TMEM178B: variants seen among roughly 807,000 people sequenced by gnomAD.
TMEM178B encodes the protein transmembrane protein 178B.
Under a neutral mutation model 31.0 loss-of-function variants are expected in TMEM178B, and 5 were observed. The ratio of observed to expected loss-of-function variants is 0.16; its 90% confidence interval spans 0.08 to 0.34. The LOEUF (loss-of-function observed/expected upper bound fraction) is 0.34. Among genes scored for constraint, TMEM178B ranks in the 10% least tolerant of loss-of-function variants. The probability of loss-of-function intolerance (pLI) is 1.00; values close to 1 mark genes in which losing one functional copy is unlikely to be tolerated. For synonymous variants in TMEM178B, 164 were observed against 164.0 expected (o/e 1.00, Z 0.00); for missense variants, 275 against 400.3 (o/e 0.69, Z 2.67).
chr7:141,133,822 GA>G (rs927334009), intron 1 of TMEM178B, among the ~76,000 whole-genome samples: 14 of 152,248 alleles, frequency 9.2e-5, no homozygotes, highest in African/African-American at 2.4e-4. Flanking sequence ...AAAGAATTCT[GA>G]AAAATAACAA....
the TMEM178B span, among the ~76,000 whole-genome samples, chr7:141,499,464 C>CAAAAAAAAAAAAAAAAAAAAAA: frequency 2.0e-5 from 1 of 50,714 alleles, no homozygotes; most frequent in Non-Finnish European, 4.7e-5. Flanking sequence ...CACATCTCTA[C>CAAAAAAAAAAAAAAAAAAAAAA]AAAAAAAAAA....
chr7:141,207,262 G>A (rs929188024), intron 1 of TMEM178B, among the ~76,000 whole-genome samples: 10 of 152,286 alleles, frequency 6.6e-5, no homozygotes, highest in Admixed American at 3.3e-4. Context: ...AATGAACATG[G>A]GAGTGCAGAT....
chr7:141,183,147 C>T (rs954056426), intron 1 of TMEM178B, among the ~76,000 whole-genome samples: 1 of 152,180 alleles, frequency 6.6e-6, no homozygotes, highest in Admixed American at 6.5e-5. Flanking sequence ...TACATCCTAA[C>T]ACCTTGTGAG....
chr7:141,116,591 C>T (rs368161530), intron 1 of TMEM178B, among the ~76,000 whole-genome samples: 7 of 151,900 alleles, frequency 4.6e-5, no homozygotes, highest in African/African-American at 1.7e-4. Context: ...TACATATACA[C>T]GTGCAGTGGC....
At chr7:141,385,481 A>G (rs1392719049) in intron 2 of TMEM178B, among the ~76,000 whole-genome samples, 2 of 152,232 alleles carry the variant, frequency 1.3e-5, no homozygotes, top group Non-Finnish European at 2.9e-5. Context: ...AATTCAGAAA[A>G]CATTACATAT....
rs1563098444 is a variant in TMEM178B at position 141,141,320 on chromosome 7, A to G, written c.382+66628A>G. Among the ~76,000 whole-genome samples, 3 of 152,014 alleles carry G rather than the reference A, an allele frequency of 2.0e-5. No individual in the cohort carries two copies. The South Asian group carries it at 6.2e-4, about 32-fold the overall frequency. On this transcript the variant is annotated intron_variant, in intron 1 of 3. Coordinates refer to ENST00000565468, the MANE Select transcript of TMEM178B (RefSeq NM_001195278.2). Reference sequence around the variant, plus strand: ...CATCTTCTTACTTTCTGGCAGTACAAGATACTCTAGAATCATCTTGTATTT... The same window carrying G: ...CATCTTCTTACTTTCTGGCAGTACAGGATACTCTAGAATCATCTTGTATTT...
chr7:141,371,683 G>A (rs1420639865), intron 2 of TMEM178B, among the ~76,000 whole-genome samples: 1 of 152,136 alleles, frequency 6.6e-6, no homozygotes, highest in South Asian at 2.1e-4. Flanking sequence ...AACACTAAAG[G>A]TCTGAAGGCT....
At chr7:141,458,939 C>A (rs1802013426) in intron 3 of TMEM178B, among the ~76,000 whole-genome samples, 1 of 152,214 alleles carries the variant, frequency 6.6e-6, no homozygotes, top group African/African-American at 2.4e-5. Context: ...AATCACATAA[C>A]AATTTAAGAA....
Position 141,074,128 on chromosome 7 carries a change from C to G in TMEM178B, c.-183C>G. The G allele has an allele frequency of 1.2e-6, 1 of 866,990 alleles. No homozygotes were observed. Among genetic ancestry groups the G allele is most frequent in the Non-Finnish European group, 1.6e-6 (1 of 624,132 alleles). The allele number at this position is 866,990 out of a possible 1,614,324, so 53.7% of individuals were successfully genotyped here. ...TCCGGATCAGAACTTTTTAGGCCGCCCGCCCCCATCCCCGCAGTCCCCGGG... is the reference window on the plus strand; with the variant it reads ...TCCGGATCAGAACTTTTTAGGCCGCGCGCCCCCATCCCCGCAGTCCCCGGG... On this transcript the variant is annotated 5_prime_UTR_variant, in exon 1 of 4. Transcript: ENST00000565468. This position sits in a 1 kb window ranked among gnomAD's most constrained non-coding sequence, Gnocchi z 5.1.
chr7:141,369,072 T>C (rs2116564142), intron 2 of TMEM178B, among the ~76,000 whole-genome samples: 1 of 151,956 alleles, frequency 6.6e-6, no homozygotes, highest in East Asian at 1.9e-4. Context: ...GTAGAAGAGG[T>C]TTGCAAGCCA....
At chr7:141,224,296 T>A (rs1797304533) in intron 2 of TMEM178B, among the ~76,000 whole-genome samples, 1 of 152,222 alleles carries the variant, frequency 6.6e-6, no homozygotes, top group African/African-American at 2.4e-5. Context: ...CCAACTTAAA[T>A]TTGTGTGTGA....
At chr7:141,214,589 T>C (rs1207299371) in intron 2 of TMEM178B, among the ~76,000 whole-genome samples, 2 of 152,248 alleles carry the variant, frequency 1.3e-5, no homozygotes, top group Non-Finnish European at 2.9e-5. Flanking sequence ...GGTAGAACTC[T>C]TTTGACTGCA....
chr7:141,095,275 C>T (rs1294325648), intron 1 of TMEM178B, among the ~76,000 whole-genome samples: 2 of 152,162 alleles, frequency 1.3e-5, no homozygotes, highest in Non-Finnish European at 2.9e-5. Flanking sequence ...TACTCAGAAA[C>T]GGTGGGATAC....
intron 2 of TMEM178B, among the ~76,000 whole-genome samples, chr7:141,220,910 AG>A (rs1282703690): frequency 6.6e-6 from 1 of 152,192 alleles, no homozygotes; most frequent in Non-Finnish European, 1.5e-5. Context: ...GGATATTAAA[AG>A]GTATTCTGCT....
intron 1 of TMEM178B, among the ~76,000 whole-genome samples, chr7:141,170,616 T>C (rs1234569508): frequency 6.6e-6 from 1 of 151,760 alleles, no homozygotes; most frequent in Non-Finnish European, 1.5e-5. Context: ...CCTCTCAAAT[T>C]CCCCCCCATA....
At chr7:141,295,869 AC>A (rs957234070) in intron 2 of TMEM178B, among the ~76,000 whole-genome samples, 61 of 152,226 alleles carry the variant, frequency 4.0e-4, no homozygotes, top group Middle Eastern at 3.4e-3. Context: ...AAATCTGAAG[AC>A]GGCCCAGCCA....
intron 2 of TMEM178B, among the ~76,000 whole-genome samples, chr7:141,283,045 A>G (rs1036187321): frequency 2.6e-5 from 4 of 152,174 alleles, no homozygotes; most frequent in Admixed American, 6.5e-5. Flanking sequence ...GGGAGGGACT[A>G]TTACTATCCC....
intron 2 of TMEM178B, among the ~76,000 whole-genome samples, chr7:141,215,826 CT>C (rs921727110): frequency 1.9e-5 from 1 of 51,740 alleles, no homozygotes; most frequent in African/African-American, 5.0e-5. Flanking sequence ...TTCTTTCTTT[CT>C]TTCTTTCTTT....
chr7:141,104,004 C>G (rs1475544555), intron 1 of TMEM178B, among the ~76,000 whole-genome samples: 1 of 152,116 alleles, frequency 6.6e-6, no homozygotes, highest in African/African-American at 2.4e-5. Flanking sequence ...AAAATAGAAA[C>G]TATTTTCTTC....
Sources: allele counts gnomAD v4.1 joint callset (sites outside exome capture counted in the v4.1 genomes callset), GRCh38; gene constraint gnomAD v4.1.1; non-coding constraint Gnocchi (gnomAD v3.1); transcripts MANE v1.5; gene names NCBI Gene and HGNC (gene_info 2026-07-23, HGNC 2026-07-21).